Variants in SPACA1 observed in about 807,000 individuals in gnomAD.
SPACA1 encodes the protein sperm acrosome associated 1.
In SPACA1, 17 loss-of-function variants were observed where a neutral mutation model predicts 32.6. The ratio of observed to expected loss-of-function variants is 0.52; its 90% CI spans 0.36 to 0.78. The LOEUF (loss-of-function observed/expected upper bound fraction) is 0.78, where lower values mean the gene tolerates loss of function less well. Ranked by LOEUF, SPACA1 falls within the 30% of genes least tolerant of loss-of-function variation. SPACA1 has a pLI of 0.01. For synonymous variants in SPACA1, 140 were observed against 138.1 expected (o/e 1.01, Z -0.10); for missense variants, 363 against 373.4 (o/e 0.97, Z 0.23).
intron 1 of SPACA1, among the ~76,000 whole-genome samples, chr6:88,052,419 C>T (rs806431): frequency 0.9 from 136,917 of 151,990 alleles, 61,867 homozygotes; most frequent in African/African-American, 0.96. Context: ...TAGAAGGTAT[C>T]TAAGCATTCC....
Position 88,054,099 on chromosome 6 carries a change from C to T in SPACA1, c.265+97C>T, listed in dbSNP as rs1345993038. 1.0e-5 allele frequency: 10 copies of T among 967,380 alleles called. No individual in the cohort carries two copies. The East Asian group carries it at 2.3e-4, about 22-fold the overall frequency. The allele number at this position is 967,380 out of a possible 1,614,324, so 59.9% of individuals were successfully genotyped here. A position where few individuals can be genotyped will look rare whatever the true frequency, so the allele number is the denominator to read the frequency against. Reference sequence around the variant, plus strand: ...TGCAACTTTGTAACTTGTGTACTTTCATGCATCTCTCATGGATTTTTATTT... The same window carrying T: ...TGCAACTTTGTAACTTGTGTACTTTTATGCATCTCTCATGGATTTTTATTT... On this transcript the variant is annotated intron_variant, in intron 2 of 6. Transcript: ENST00000237201.
intron 1 of SPACA1, among the ~76,000 whole-genome samples, chr6:88,051,342 C>G (rs777786157): frequency 1.3e-5 from 2 of 152,094 alleles, no homozygotes; most frequent in Non-Finnish European, 2.9e-5. Context: ...ACAAATATAA[C>G]TATATGTTAT....
intron 2 of SPACA1, 130 bp from the exon 3 acceptor site, chr6:88,057,482 G>A (rs899076039): frequency 2.0e-5 from 12 of 612,702 alleles, no homozygotes; most frequent in African/African-American, 7.4e-5. Flanking sequence ...AAGTGTTATC[G>A]TTCTGAATTT....
chr6:88,054,090 G>A (rs1775770660), intron 2 of SPACA1, 88 bp downstream of exon 2: 2 of 1,156,708 alleles, frequency 1.7e-6, no homozygotes, highest in Non-Finnish European at 1.3e-6. Flanking sequence ...TTTGTAACTT[G>A]TGTACTTTCA....
At chr6:88,062,010 C>T (rs1775905073) in intron 5 of SPACA1, among the ~76,000 whole-genome samples, 1 of 152,148 alleles carries the variant, frequency 6.6e-6, no homozygotes, top group Non-Finnish European at 1.5e-5. Context: ...TTCTCCTTGT[C>T]AGGTGTCAGT....
rs145923815 is a variant in SPACA1, at chr6:88,057,682, A to G, written c.336A>G (p.Val112=). The G allele has an allele frequency of 6.9e-5, 112 of 1,614,102 alleles. 1 individual carries two copies. The African/African-American group carries it at 1.1e-3, about 16-fold the overall frequency. Residue 112 remains valine, a synonymous_variant, in exon 3 of 7, where the codon GTA becomes GTG. Coordinates refer to ENST00000237201, the MANE Select transcript of SPACA1 (RefSeq NM_030960.3). ...PGGESKCVVR[V]EECRGPTDCG... ...GTGAATCCAAGTGTGTTGTACGGGT[A>G]GAAGAATGCCGTGGACCAACAGATT...
chr6:88,047,060 G>A (rs1441013080), upstream of SPACA1, among the ~76,000 whole-genome samples: 1 of 152,026 alleles, frequency 6.6e-6, no homozygotes, highest in African/African-American at 2.4e-5. Flanking sequence ...TACTAGATGA[G>A]GTAAAATTTG....
At position 88,060,957 on chromosome 6, in the gene SPACA1, G is replaced by A. The variant is rs555191953; in HGVS notation, c.610+1369G>A. Among the ~76,000 whole-genome samples, 24 of 152,326 alleles carry A rather than the reference G, an allele frequency of 1.6e-4. No homozygotes were observed. The East Asian group carries it at 4.4e-3, about 28-fold the overall frequency. On this transcript the variant is annotated intron_variant, in intron 5 of 6. Coordinates refer to ENST00000237201, the MANE Select transcript of SPACA1 (RefSeq NM_030960.3). Reference sequence around the variant, plus strand: ...CTCTCATAGCAGCAGTCCAGGAATGGTGGGATAGCTCTGCCATCTCAGTAC... The same window carrying A: ...CTCTCATAGCAGCAGTCCAGGAATGATGGGATAGCTCTGCCATCTCAGTAC...
chr6:88,059,242 G>A (rs1775854859), intron 4 of SPACA1, among the ~76,000 whole-genome samples: 1 of 152,156 alleles, frequency 6.6e-6, no homozygotes, highest in South Asian at 2.1e-4. Context: ...TTACAAGTAA[G>A]TAACTAACTT....
Position 88,059,563 on chromosome 6 carries a change from T to C in SPACA1, c.585T>C (p.Ile195=), listed in dbSNP as rs1033741140. The C allele has an allele frequency of 1.8e-5, 29 of 1,613,240 alleles. No homozygotes were observed. Among genetic ancestry groups the C allele is most frequent in the Non-Finnish European group, 2.4e-5 (28 of 1,179,688 alleles). ...TLDNNEIVAT[I]KFTVYTSSEL... ...ATAATAATGAAATAGTAGCAACTAT[T>C]AAATTCACAGTCTATACGAGCAGTG... Residue 195 remains isoleucine (I), a synonymous_variant, in exon 5 of 7, where the codon ATT becomes ATC. Coordinates refer to ENST00000237201, the MANE Select transcript of SPACA1 (RefSeq NM_030960.3).
intron 5 of SPACA1, 93 bp from the exon 6 acceptor site, chr6:88,064,006 C>A (rs1775936719): frequency 2.9e-6 from 4 of 1,388,414 alleles, no homozygotes; most frequent in Non-Finnish European, 3.9e-6. Context: ...CTTTATGTTT[C>A]TAGAGTTGTT....
chr6:88,059,117 C>G (rs555397967), intron 4 of SPACA1, among the ~76,000 whole-genome samples: 30 of 152,192 alleles, frequency 2.0e-4, no homozygotes, highest in Middle Eastern at 3.2e-3. Context: ...ATAATGATAG[C>G]AGTGGCTAAC....
At position 88,047,841 on chromosome 6, in the gene SPACA1, G is replaced by A; in HGVS notation, c.-65G>A. On this transcript the variant is annotated 5_prime_UTR_variant, in exon 1 of 7. Coordinates refer to ENST00000237201, the MANE Select transcript of SPACA1 (RefSeq NM_030960.3). ...CGGGCGGGGTGTCGCAGCTCTCTTC[G>A]ACGTACCTGTCCTCAGGAGCCGCGG... The A allele has an allele frequency of 7.0e-7, 1 of 1,433,460 alleles. No individual in the cohort carries two copies. Among genetic ancestry groups the A allele is most frequent in the Non-Finnish European group, 9.2e-7 (1 of 1,083,090 alleles). 88.8% of individuals were successfully genotyped at this position (1,433,460 alleles called of 1,614,324 possible). A position where few individuals can be genotyped will look rare whatever the true frequency, so the allele number is the denominator to read the frequency against.
At chr6:88,051,096 G>A (rs554254737) in intron 1 of SPACA1, among the ~76,000 whole-genome samples, 146 of 151,612 alleles carry the variant, frequency 9.6e-4, no homozygotes, top group Middle Eastern at 3.4e-3. Flanking sequence ...GCAGTGAGCC[G>A]AGATTACGCC....
At chr6:88,061,931 C>T (rs1775904135) in intron 5 of SPACA1, among the ~76,000 whole-genome samples, 1 of 152,078 alleles carries the variant, frequency 6.6e-6, no homozygotes, top group African/African-American at 2.4e-5. Flanking sequence ...TAAATAAAAT[C>T]TTCATGCCCC....
chr6:88,048,172 C>T, intron 1 of SPACA1, 59 bp downstream of exon 1: 1 of 1,481,658 alleles, frequency 6.7e-7, no homozygotes, highest in African/African-American at 1.4e-5. Flanking sequence ...GAGCAAAGGC[C>T]TGCTCTTTGC....
At chr6:88,061,798 C>A (rs140246393) in intron 5 of SPACA1, among the ~76,000 whole-genome samples, 1 of 152,236 alleles carries the variant, frequency 6.6e-6, no homozygotes, top group African/African-American at 2.4e-5. Flanking sequence ...CTTAGTTTAT[C>A]TAAAAGGTGA....
intron 2 of SPACA1, among the ~76,000 whole-genome samples, chr6:88,054,568 C>G (rs536609556): frequency 2.0e-5 from 3 of 152,238 alleles, no homozygotes; most frequent in Admixed American, 2.0e-4. Context: ...GAGGACTATC[C>G]TTTGAGAAAC....
intron 1 of SPACA1, among the ~76,000 whole-genome samples, chr6:88,050,846 A>G (rs1443575766): frequency 2.0e-5 from 3 of 152,224 alleles, no homozygotes; most frequent in Non-Finnish European, 4.4e-5. Context: ...ATAAAGAAAA[A>G]TCATTAAGAT....
Sources: allele counts gnomAD v4.1 joint callset (sites outside exome capture counted in the v4.1 genomes callset), GRCh38; gene constraint gnomAD v4.1.1; transcripts MANE v1.5; gene names NCBI Gene and HGNC (gene_info 2026-07-23, HGNC 2026-07-21).